The following CPS1 variants were observed in gnomAD, a reference collection of about 807,000 sequenced individuals.
CPS1 encodes the protein carbamoyl-phosphate synthase 1, also known as carbamoyl-phosphate synthase [ammonia], mitochondrial.
A neutral mutation model predicts 174.6 loss-of-function variants in CPS1; 109 were observed. The observed-to-expected ratio is 0.62, with a 90% confidence interval of 0.53 to 0.73. CPS1 has a LOEUF of 0.73. CPS1 is among the 30% of genes least tolerant of loss of function. The pLI, the probability that CPS1 is intolerant of heterozygous loss-of-function variation, is 0.00. For synonymous variants in CPS1, 637 were observed against 632.0 expected (o/e 1.01, Z -0.12); for missense variants, 1,689 against 1,821.9 (o/e 0.93, Z 1.33).
At chr2:210,562,945 T>G (rs1254062876) in intron 1 of CPS1, among the ~76,000 whole-genome samples, 1 of 151,640 alleles carries the variant, frequency 6.6e-6, no homozygotes, top group East Asian at 1.9e-4. Context: ...AACATTTTAG[T>G]GGTGGAGTCT....
rs551626875 is a variant in CPS1 at position 210,563,779 on chromosome 2, A to G, written c.126+6920A>G. 2.6e-5 allele frequency among the ~76,000 whole-genome samples: 4 copies of G among 152,328 alleles called. No homozygotes were observed. The East Asian group carries it at 7.7e-4, about 29-fold the overall frequency. On this transcript the variant is annotated intron_variant, in intron 1 of 37. Transcript: ENST00000233072. ...ACTTTTATAGATTAAATTACAAATT[A>G]TGTTTGAATTTTGACTGTTACTTCC...
At position 210,611,264 on chromosome 2, in the gene CPS1, A is replaced by T. The variant is rs187776130; in HGVS notation, c.2392-853A>T. On this transcript the variant is annotated intron_variant, in intron 19 of 37. Transcript: ENST00000233072. ...CATAATTGACATGAAGATTTCCTAA[A>T]CTGACATTAGTGGTAATTTGAGTCT... 1.8e-4 allele frequency among the ~76,000 whole-genome samples: 27 copies of T among 152,072 alleles called. No individual in the cohort carries two copies. The East Asian group carries it at 5.3e-3, about 30-fold the overall frequency.
chr2:210,669,269 A>G (rs1701211874), intron 34 of CPS1, among the ~76,000 whole-genome samples: 1 of 152,120 alleles, frequency 6.6e-6, no homozygotes, highest in East Asian at 1.9e-4. Context: ...TAATTGCAAG[A>G]GTGTACAAAC....
intron 1 of CPS1, among the ~76,000 whole-genome samples, chr2:210,497,885 TATAC>T (rs1338051806): frequency 1.1e-3 from 127 of 114,900 alleles, no homozygotes; most frequent in Middle Eastern, 4.3e-3. Context: ...TAGAACAATA[TATAC>T]ATACATATAT....
Position 210,605,148 on chromosome 2 carries a change from G to A in CPS1, c.1883G>A (p.Gly628Asp), listed in dbSNP as rs1275599086. The A allele has an allele frequency of 6.2e-7, 1 of 1,612,116 alleles. No individual in the cohort carries two copies. The highest frequency in any genetic ancestry group is 1.1e-5 in the South Asian group (1 of 91,044). The change falls in exon 17 of 38, where the codon GGT becomes GAT. Residue 628 changes from glycine (G) to aspartate (D), a missense_variant. Gly to Asp is a moderately conservative substitution (Grantham distance 94). Coordinates refer to ENST00000233072, the MANE Select transcript of CPS1 (RefSeq NM_001875.5). ...ATTCTGGTGGAGAAGTCAGTGACAG[G>A]TTGGAAAGAAATAGAATATGAAGTG... Reference protein sequence around the residue: ...NQILVEKSVTGWKEIEYEVVR... With the variant: ...NQILVEKSVTDWKEIEYEVVR...
intron 25 of CPS1, 67 bp from the exon 26 acceptor site, chr2:210,647,796 T>G: frequency 2.0e-6 from 3 of 1,506,330 alleles, no homozygotes; most frequent in Non-Finnish European, 2.8e-6. Flanking sequence ...ATAGACACAA[T>G]ATTAGCATAG....
At position 210,604,166 on chromosome 2, in the gene CPS1, G is replaced by A. The variant is rs73984644; in HGVS notation, c.1837-936G>A. ...ATCGTGGGCAGCTGTGGGGACAAAT[G>A]TGTCACATTTTCATTTGCACGTGCT... On this transcript the variant is annotated intron_variant, in intron 16 of 37. Coordinates refer to ENST00000233072, the MANE Select transcript of CPS1 (RefSeq NM_001875.5). Among the ~76,000 whole-genome samples, 860 of 151,954 alleles carry A rather than the reference G, an allele frequency of 5.7e-3. 7 individuals are homozygous for A. The highest frequency in any genetic ancestry group is 0.02 in the African/African-American group (824 of 41,502).
At chr2:210,618,120 G>A (rs2105868825) in intron 21 of CPS1, 1 of 152,072 alleles carries the variant, frequency 6.6e-6, no homozygotes, top group Non-Finnish European at 1.5e-5. Flanking sequence ...ATAAATAAGG[G>A]TATATTGATA....
intron 21 of CPS1, among the ~76,000 whole-genome samples, chr2:210,634,025 C>T (rs141593857): frequency 1.3e-5 from 2 of 152,100 alleles, no homozygotes; most frequent in South Asian, 4.2e-4. Flanking sequence ...GCACTTCCAC[C>T]GAAAGGCTGA....
rs756337473 is a variant in CPS1, at chr2:210,654,064, C to T, written c.3520C>T (p.Arg1174Ter). The T allele has an allele frequency of 3.1e-6, 5 of 1,613,960 alleles. No homozygotes were observed. The highest frequency in any genetic ancestry group is 2.2e-5 in the East Asian group (1 of 44,876). Residue 1174 changes from arginine to a stop codon, truncating the protein, a stop_gained, in exon 29 of 38, where the codon CGA becomes TGA. Transcript: ENST00000233072. LOFTEE classifies it high-confidence loss of function. The part of the protein sequence containing the change: ...VVLTKFVEGA[R>*]EVEMDAVGKD... The stretch of plus-strand genomic sequence containing the variant: ...GCTGACAAAATTTGTTGAAGGGGCC[C>T]GAGAAGTAGAAATGGACGCTGTTGG...
intron 21 of CPS1, among the ~76,000 whole-genome samples, chr2:210,623,534 C>G (rs1465505873): frequency 5.3e-5 from 8 of 151,864 alleles, no homozygotes; most frequent in Admixed American, 3.3e-4. Flanking sequence ...TTTCAAGGGT[C>G]CAATTTCCAT....
At position 210,592,961 on chromosome 2, in the gene CPS1, G is replaced by T; in HGVS notation, c.1164+5G>T. The T allele has an allele frequency of 1.2e-6, 2 of 1,610,278 alleles. No individual in the cohort carries two copies. The highest frequency in any genetic ancestry group is 1.7e-6 in the Non-Finnish European group (2 of 1,177,288). On this transcript the variant is annotated splice_donor_5th_base_variant and intron_variant, in intron 11 of 37. Coordinates refer to ENST00000233072, the MANE Select transcript of CPS1 (RefSeq NM_001875.5). ...CCGGGGCCAATAGACACTGAGGTAC[G>T]TCAAAAAGATGAGGCCTATTATGTA...
chr2:210,522,801 C>T (rs1291682906), intron 1 of CPS1, among the ~76,000 whole-genome samples: 1 of 151,882 alleles, frequency 6.6e-6, no homozygotes, highest in Non-Finnish European at 1.5e-5. Context: ...ATTAAAATAC[C>T]TTATGATAAA....
intron 8 of CPS1, 113 bp from the exon 9 acceptor site, chr2:210,590,687 G>C: frequency 1.3e-6 from 1 of 772,246 alleles, no homozygotes; most frequent in African/African-American, 1.7e-5. Context: ...CTTTAATTCA[G>C]TTACTATTCT....
rs1462722575 is a variant in CPS1, at chr2:210,592,849, G to A, written c.1087-30G>A. The stretch of plus-strand genomic sequence containing the variant: ...ACACTTGACATTCATTGTTACAGAA[G>A]GAATTTCTTCCTGTTTCTTATTCCT... On this transcript the variant is annotated intron_variant, in intron 10 of 37. Transcript: ENST00000233072. 3 of 1,580,840 alleles carry A rather than the reference G, an allele frequency of 1.9e-6. No homozygotes were observed. The South Asian group carries it at 3.3e-5, about 17-fold the overall frequency.
In CPS1 at chr2:210,579,783, T is replaced by A. The variant is rs1046873847; in HGVS notation, c.528+13T>A. 6.2e-7 allele frequency: 1 copy of A among 1,606,350 alleles called. No individual in the cohort carries two copies. Among genetic ancestry groups the A allele is most frequent in the Non-Finnish European group, 8.5e-7 (1 of 1,174,732 alleles). Reference sequence around the variant, plus strand: ...AATTCGGGATAAGGTATAATCATCATCTTTAGCCAAATCTATGTTTCTTCG... The same window carrying A: ...AATTCGGGATAAGGTATAATCATCAACTTTAGCCAAATCTATGTTTCTTCG... On this transcript the variant is annotated intron_variant, in intron 5 of 37. Coordinates refer to ENST00000233072, the MANE Select transcript of CPS1 (RefSeq NM_001875.5).
chr2:210,520,218 T>C (rs373131630), intron 1 of CPS1, among the ~76,000 whole-genome samples: 3 of 152,080 alleles, frequency 2.0e-5, no homozygotes, highest in East Asian at 3.9e-4. Context: ...AGTATTTAAT[T>C]TTATGCACTT....
intron 1 of CPS1, among the ~76,000 whole-genome samples, chr2:210,488,035 T>G (rs951912613): frequency 2.0e-5 from 3 of 152,230 alleles, no homozygotes; most frequent in Admixed American, 6.5e-5. Flanking sequence ...TACAGGTCTG[T>G]GCTGGGGACC....
At chr2:210,498,642 T>C (rs951368290) in intron 1 of CPS1, among the ~76,000 whole-genome samples, 2 of 152,172 alleles carry the variant, frequency 1.3e-5, no homozygotes, top group African/African-American at 4.8e-5. Flanking sequence ...ATGCCTTTTA[T>C]TTCCCTCTCT....
Sources: allele counts gnomAD v4.1 joint callset (sites outside exome capture counted in the v4.1 genomes callset), GRCh38; gene constraint gnomAD v4.1.1; transcripts MANE v1.5; gene names NCBI Gene and HGNC (gene_info 2026-07-23, HGNC 2026-07-21).